The following CXCL13 variants were observed in gnomAD, a reference collection of about 807,000 sequenced individuals.
CXCL13 encodes C-X-C motif chemokine 13.
CXCL13 carries 7 observed loss-of-function variants against 12.2 expected under a neutral mutation model. That is an observed-to-expected ratio of 0.57 (90% CI 0.33 to 1.07). CXCL13 has a LOEUF of 1.07. Ranked by LOEUF, CXCL13 falls within the 50% of genes least tolerant of loss-of-function variation. CXCL13 has a pLI of 0.04. For synonymous variants in CXCL13, 47 were observed against 42.4 expected (o/e 1.11, Z -0.42); for missense variants, 113 against 127.4 (o/e 0.89, Z 0.55).
At chr4:77,572,852 A>G (rs1726120784) in intron 1 of CXCL13, among the ~76,000 whole-genome samples, 1 of 151,948 alleles carries the variant, frequency 6.6e-6, no homozygotes, top group Non-Finnish European at 1.5e-5. Context: ...CATCAGTGGT[A>G]GATTGGATAA....
At chr4:77,557,675 G>A (rs1433156915) in intron 1 of CXCL13, among the ~76,000 whole-genome samples, 2 of 152,164 alleles carry the variant, frequency 1.3e-5, no homozygotes, top group Non-Finnish European at 2.9e-5. Flanking sequence ...GCATTGAGCG[G>A]GGCAGGTCCT....
chr4:77,593,417 T>C (rs1373061515), intron 1 of CXCL13, among the ~76,000 whole-genome samples: 1 of 152,230 alleles, frequency 6.6e-6, no homozygotes, highest in Non-Finnish European at 1.5e-5. Context: ...GAGTCGTCAC[T>C]GGTGCCATCA....
chr4:77,587,351 T>C (rs2109828560), intron 1 of CXCL13, among the ~76,000 whole-genome samples: 1 of 152,334 alleles, frequency 6.6e-6, no homozygotes, highest in East Asian at 1.9e-4. Context: ...TCACTGGTTA[T>C]ATACTATGTG....
intron 1 of CXCL13, among the ~76,000 whole-genome samples, chr4:77,522,004 A>T (rs763001886): frequency 6.6e-6 from 1 of 152,122 alleles, no homozygotes; most frequent in Non-Finnish European, 1.5e-5. Flanking sequence ...TTCAGTTTCC[A>T]TGTAGTTGTG....
chr4:77,591,641 T>A (rs1726615395), intron 1 of CXCL13, among the ~76,000 whole-genome samples: 1 of 151,808 alleles, frequency 6.6e-6, no homozygotes, highest in Admixed American at 6.6e-5. Context: ...GCTTCTCTAG[T>A]CCAATCCCCA....
intron 1 of CXCL13, among the ~76,000 whole-genome samples, chr4:77,522,970 C>T (rs1015828535): frequency 6.6e-6 from 1 of 152,076 alleles, no homozygotes; most frequent in Non-Finnish European, 1.5e-5. Context: ...GCTTATGAAT[C>T]TTAGTTTGGC....
intron 1 of CXCL13, among the ~76,000 whole-genome samples, chr4:77,525,317 T>C (rs1006765935): frequency 1.3e-5 from 2 of 152,206 alleles, no homozygotes; most frequent in African/African-American, 4.8e-5. Context: ...TAATAATTCT[T>C]TATGTTTCCA....
At chr4:77,533,162 G>C (rs531408428) in intron 1 of CXCL13, among the ~76,000 whole-genome samples, 2 of 152,224 alleles carry the variant, frequency 1.3e-5, no homozygotes, top group South Asian at 4.1e-4. Flanking sequence ...CATCTTTGTG[G>C]TTTTATCTAC....
rs147667640 is a variant in CXCL13 at position 77,610,808 on chromosome 4, TG to T, written c.278+115del. On this transcript the variant is annotated intron_variant, in intron 3 of 3. Coordinates refer to ENST00000682537, the MANE Select transcript of CXCL13 (RefSeq NM_001371558.1). The stretch of plus-strand genomic sequence containing the variant: ...ATTTATGAGAAGTTCCTAAGACAAA[TG>T]TGTGTTTTTCACTGTTATTGCTTAT... 1.4e-3 allele frequency: 1,338 copies of T among 961,124 alleles called. 22 individuals carry two copies. In the East Asian group the frequency reaches 0.03, roughly 22 times the overall value. The allele number at this position is 961,124 out of a possible 1,614,324, so 59.5% of individuals were successfully genotyped here. A position where few individuals can be genotyped will look rare whatever the true frequency, so the allele number is the denominator to read the frequency against.
At chr4:77,575,980 T>C (rs959764150) in intron 1 of CXCL13, among the ~76,000 whole-genome samples, 2 of 151,896 alleles carry the variant, frequency 1.3e-5, no homozygotes, top group African/African-American at 4.9e-5. Flanking sequence ...ACCAAATTTC[T>C]TTGTCAATTA....
chr4:77,531,546 T>C (rs1035922156), intron 1 of CXCL13, among the ~76,000 whole-genome samples: 2 of 152,132 alleles, frequency 1.3e-5, no homozygotes, highest in African/African-American at 4.8e-5. Flanking sequence ...GAGAGTTCTG[T>C]AGGTGTCTAT....
At chr4:77,550,042 G>A (rs1725470787) in intron 1 of CXCL13, among the ~76,000 whole-genome samples, 2 of 152,316 alleles carry the variant, frequency 1.3e-5, no homozygotes, top group East Asian at 1.9e-4. Flanking sequence ...TCAAGCCTCA[G>A]CAATGGCGGA....
chr4:77,545,855 G>T lies in CXCL13; in HGVS notation c.-43+34067G>T, dbSNP rs536798282. On this transcript the variant is annotated intron_variant, in intron 1 of 4. Transcript: ENST00000286758. The stretch of plus-strand genomic sequence containing the variant: ...TTCAAAGGGAATGCTTCCAGTTTTT[G>T]TCCATTCAGTATGATATTGGCTGTG... 8.5e-5 allele frequency among the ~76,000 whole-genome samples: 13 copies of T among 152,242 alleles called. No individual in the cohort carries two copies. The South Asian group carries it at 2.5e-3, about 29-fold the overall frequency.
intron 1 of CXCL13, among the ~76,000 whole-genome samples, chr4:77,554,217 G>A (rs1051816292): frequency 1.3e-5 from 2 of 151,884 alleles, no homozygotes; most frequent in African/African-American, 4.8e-5. Flanking sequence ...CATGAGTAGT[G>A]AGATTATTAT....
chr4:77,565,018 C>T (rs1222327819), intron 1 of CXCL13, among the ~76,000 whole-genome samples: 2 of 152,180 alleles, frequency 1.3e-5, no homozygotes, highest in African/African-American at 4.8e-5. Context: ...TTTCATTAGG[C>T]TGTGTCAGAG....
chr4:77,526,992 G>C (rs1724783262), intron 1 of CXCL13, among the ~76,000 whole-genome samples: 3 of 152,174 alleles, frequency 2.0e-5, no homozygotes, highest in Admixed American at 2.0e-4. Flanking sequence ...TTCCCTTTGT[G>C]AAAATCAGGG....
chr4:77,577,810 G>A lies in CXCL13; in HGVS notation c.-42-28014G>A, dbSNP rs186907506. Among the ~76,000 whole-genome samples, 181 of 152,178 alleles carry A rather than the reference G, an allele frequency of 1.2e-3. 1 individual carries two copies. Among genetic ancestry groups the A allele is most frequent in the Admixed American group, 0.012 (180 of 15,294 alleles). The stretch of plus-strand genomic sequence containing the variant: ...TTTGCTAGGAAGAGAAGGGAACCAG[G>A]GAGACCTGCTCCCTTCTTTCTAGAT... On this transcript the variant is annotated intron_variant, in intron 1 of 4. Transcript: ENST00000286758.
chr4:77,558,818 G>A (rs559458438), intron 1 of CXCL13, among the ~76,000 whole-genome samples: 2 of 152,088 alleles, frequency 1.3e-5, no homozygotes, highest in African/African-American at 2.4e-5. Flanking sequence ...ACCTCCTTTG[G>A]GATTCATTAC....
intron 2 of CXCL13, among the ~76,000 whole-genome samples, chr4:77,610,338 C>T (rs188443706): frequency 6.6e-5 from 10 of 152,250 alleles, no homozygotes; most frequent in East Asian, 1.9e-4. Context: ...CTCCAATGCA[C>T]GTAAATGTTA....
Sources: allele counts gnomAD v4.1 joint callset (sites outside exome capture counted in the v4.1 genomes callset), GRCh38; gene constraint gnomAD v4.1.1; transcripts MANE v1.5; gene names NCBI Gene and HGNC (gene_info 2026-07-23, HGNC 2026-07-21).